LRRC37A2: variants seen among roughly 807,000 people sequenced by gnomAD.
LRRC37A2 encodes the protein leucine-rich repeat-containing protein 37A2.
Under a neutral mutation model 68.8 loss-of-function variants are expected in LRRC37A2, and 9 were observed. That is an observed-to-expected ratio of 0.13 (90% CI 0.08 to 0.23). The LOEUF is 0.23. Ranked by LOEUF, LRRC37A2 falls within the 10% of genes least tolerant of loss-of-function variation. LRRC37A2 has a pLI of 1.00. For synonymous variants in LRRC37A2, 63 were observed against 367.6 expected (o/e 0.17, Z 9.48); for missense variants, 168 against 950.4 (o/e 0.18, Z 10.82).
the LRRC37A2 span, among the ~76,000 whole-genome samples, chr17:46,849,849 C>CTT: frequency 6.3e-3 from 920 of 145,778 alleles, 21 homozygotes; most frequent in African/African-American, 0.02. Flanking sequence ...CATTTAATAT[C>CTT]TTTTTTTTTT....
the LRRC37A2 span, among the ~76,000 whole-genome samples, chr17:46,786,266 G>A: frequency 1.3e-5 from 2 of 152,138 alleles, no homozygotes; most frequent in Non-Finnish European, 2.9e-5. Context: ...GGAAGAAGGA[G>A]GAGGACAGGA....
chr17:46,816,149 G>A, the LRRC37A2 span, among the ~76,000 whole-genome samples: 46 of 131,170 alleles, frequency 3.5e-4, no homozygotes, highest in Middle Eastern at 4.9e-3. Context: ...ACGCACGCAC[G>A]CACACACACA....
the LRRC37A2 span, chr17:46,851,746 C>G: frequency 8.5e-7 from 1 of 1,182,166 alleles, no homozygotes; most frequent in Non-Finnish European, 1.1e-6. The surrounding 1 kb of genome is among the most constrained non-coding windows in gnomAD (Gnocchi z 4.3). Context: ...CCGCCCGCTC[C>G]CCGGCCTGCC....
the LRRC37A2 span, chr17:46,876,614 A>G: frequency 6.2e-7 from 1 of 1,611,922 alleles, no homozygotes; most frequent in Non-Finnish European, 8.5e-7. Context: ...TGACACCCAG[A>G]GCCGCCTGGT....
the LRRC37A2 span, among the ~76,000 whole-genome samples, chr17:46,813,353 T>C: frequency 1.3e-5 from 2 of 150,786 alleles, no homozygotes; most frequent in African/African-American, 4.9e-5. Flanking sequence ...CAGGGTCCAT[T>C]GGTATTAAAC....
chr17:46,769,929 G>A, the LRRC37A2 span: 1 of 1,613,434 alleles, frequency 6.2e-7, no homozygotes, highest in Non-Finnish European at 8.5e-7. Flanking sequence ...TCGCCAGGCG[G>A]CCCCTTATGA....
At chr17:46,679,076 A>G in the LRRC37A2 span, among the ~76,000 whole-genome samples, 2 of 152,086 alleles carry the variant, frequency 1.3e-5, no homozygotes, top group African/African-American at 4.8e-5. Context: ...TACCTAAAGT[A>G]TAGTGTTTAA....
the LRRC37A2 span, among the ~76,000 whole-genome samples, chr17:46,996,363 C>T: frequency 6.6e-6 from 1 of 152,224 alleles, no homozygotes; most frequent in African/African-American, 2.4e-5. Flanking sequence ...GTGAGAACAT[C>T]AGGCCCAACC....
At chr17:47,010,182 C>A in the LRRC37A2 span, among the ~76,000 whole-genome samples, 2 of 152,240 alleles carry the variant, frequency 1.3e-5, no homozygotes, top group African/African-American at 4.8e-5. Context: ...AGACTCCACT[C>A]CCTCTTCACA....
the LRRC37A2 span, among the ~76,000 whole-genome samples, chr17:46,996,707 G>A: frequency 1.1e-4 from 17 of 152,220 alleles, no homozygotes; most frequent in Non-Finnish European, 1.5e-5. Flanking sequence ...GTGTAGTGGT[G>A]TGACCATAGG....
At chr17:46,847,561 G>A in the LRRC37A2 span, among the ~76,000 whole-genome samples, 3 of 152,224 alleles carry the variant, frequency 2.0e-5, no homozygotes, top group African/African-American at 7.2e-5. Flanking sequence ...GGATGGGGAA[G>A]GACAGGGAGA....
At chr17:46,964,897 G>A in the LRRC37A2 span, 1 of 152,244 alleles carries the variant, frequency 6.6e-6, no homozygotes, top group Non-Finnish European at 1.5e-5. Context: ...GAAGGTCTGT[G>A]ATTTGGCCTC....
chr17:46,933,570 T>C, the LRRC37A2 span: 1 of 151,626 alleles, frequency 6.6e-6, no homozygotes, highest in Non-Finnish European at 1.5e-5. Context: ...GCAGGGGCAG[T>C]TGAAAACACG....
At chr17:46,886,391 A>C in the LRRC37A2 span, 1 of 152,254 alleles carries the variant, frequency 6.6e-6, no homozygotes, top group African/African-American at 2.4e-5. Context: ...GGAGGCCATT[A>C]GTTTGTACTG....
downstream of LRRC37A2, among the ~76,000 whole-genome samples, chr17:46,558,346 T>C (rs1181839329): frequency 9.2e-6 from 1 of 108,864 alleles, no homozygotes; most frequent in Non-Finnish European, 1.8e-5. Flanking sequence ...AGGTGCGAGC[T>C]ACCGCGCCTG....
At chr17:46,957,319 AAAAG>A in the LRRC37A2 span, among the ~76,000 whole-genome samples, 4 of 152,146 alleles carry the variant, frequency 2.6e-5, no homozygotes, top group African/African-American at 4.8e-5. Flanking sequence ...AGAAAACAAA[AAAAG>A]AAACCCAGGC....
chr17:46,418,207 GTGTGTGTT>G, the LRRC37A2 span, among the ~76,000 whole-genome samples: 7 of 44,782 alleles, frequency 1.6e-4, 1 homozygote, highest in Admixed American at 1.4e-3. Flanking sequence ...GTGTGTGTGT[GTGTGTGTT>G]TGTGTGTGTG....
chr17:46,883,005 G>GT, the LRRC37A2 span, among the ~76,000 whole-genome samples: 6 of 151,338 alleles, frequency 4.0e-5, no homozygotes, highest in Non-Finnish European at 8.8e-5. Context: ...TTGAGACAGA[G>GT]TCTCCCTCTG....
the LRRC37A2 span, among the ~76,000 whole-genome samples, chr17:46,991,441 A>G: frequency 6.6e-6 from 1 of 152,098 alleles, no homozygotes; most frequent in East Asian, 1.9e-4. Context: ...AGCCTGGCCA[A>G]CATGGTGAAA....
Sources: gnomAD v4.1 joint callset for allele counts (sites outside exome capture counted in the v4.1 genomes callset) on GRCh38, gnomAD v4.1.1 for gene constraint, Gnocchi (gnomAD v3.1) non-coding constraint, MANE v1.5 for transcripts, NCBI Gene and HGNC (gene_info 2026-07-23, HGNC 2026-07-21) for gene names.